YWHAG: variants seen among roughly 807,000 people sequenced by gnomAD.
YWHAG encodes tyrosine 3-monooxygenase/tryptophan 5-monooxygenase activation protein gamma.
Under a neutral mutation model 23.3 loss-of-function variants are expected in YWHAG, and 1 was observed. That is an observed-to-expected ratio of 0.04 (90% CI 0.02 to 0.20). The LOEUF (loss-of-function observed/expected upper bound fraction) is 0.20, where lower values mean the gene tolerates loss of function less well. YWHAG is among the 10% of genes least tolerant of loss of function. The pLI is 1.00. For synonymous variants in YWHAG, 160 were observed against 144.0 expected, an observed-to-expected ratio of 1.11 and a Z score of -0.80; for missense variants, 151 against 338.6, an observed-to-expected ratio of 0.45 and a Z score of 4.35.
At chr7:76,342,692 A>G (rs1402864032) in intron 1 of YWHAG, among the ~76,000 whole-genome samples, 2 of 152,156 alleles carry the variant, frequency 1.3e-5, no homozygotes, top group African/African-American at 4.8e-5. Flanking sequence ...CCTGCTATTT[A>G]GTATATCAGG....
intron 1 of YWHAG, among the ~76,000 whole-genome samples, chr7:76,353,825 T>C (rs1803908731): frequency 6.6e-6 from 1 of 151,988 alleles, no homozygotes; most frequent in African/African-American, 2.4e-5. Flanking sequence ...TCCCAGTACT[T>C]TGGGAGGCCA....
At chr7:76,334,096 A>C (rs1803583200) in intron 1 of YWHAG, among the ~76,000 whole-genome samples, 1 of 152,246 alleles carries the variant, frequency 6.6e-6, no homozygotes, top group Non-Finnish European at 1.5e-5. Context: ...CTGCCAGTGA[A>C]AAACTAAGTT....
At chr7:76,343,775 G>A (rs1009976483) in intron 1 of YWHAG, among the ~76,000 whole-genome samples, 4 of 152,154 alleles carry the variant, frequency 2.6e-5, no homozygotes, top group Admixed American at 6.5e-5. Context: ...GCTGGGACTC[G>A]CTGCTGGGAC....
chr7:76,346,377 C>T (rs1803779833), intron 1 of YWHAG, among the ~76,000 whole-genome samples: 1 of 152,208 alleles, frequency 6.6e-6, no homozygotes, highest in Non-Finnish European at 1.5e-5. Context: ...TACAAAGCGG[C>T]TCCCTCTTGA....
intron 1 of YWHAG, among the ~76,000 whole-genome samples, chr7:76,331,025 A>G (rs1233840768): frequency 6.6e-6 from 1 of 152,248 alleles, no homozygotes; most frequent in Non-Finnish European, 1.5e-5. Context: ...CTGCTTATTA[A>G]TATCAGCCAA....
intron 1 of YWHAG, among the ~76,000 whole-genome samples, chr7:76,349,829 A>G (rs1803847878): frequency 6.6e-6 from 1 of 152,110 alleles, no homozygotes; most frequent in East Asian, 1.9e-4. Context: ...CCTGGTCTCT[A>G]TTAAAAATGC....
Position 76,329,516 on chromosome 7 carries a change from T to TG in YWHAG, c.*60dup. On this transcript the variant is annotated 3_prime_UTR_variant, in exon 2 of 2. Coordinates refer to ENST00000307630, the MANE Select transcript of YWHAG (RefSeq NM_012479.4). The surrounding 1 kb of genome is among the most constrained non-coding windows in gnomAD (Gnocchi z 6.1). ...CCTCCCCCACCCGACCCCCAACTCATGGGAAAAAAATAAAGACTGCAGTAG... is the reference window on the plus strand; with the variant it reads ...CCTCCCCCACCCGACCCCCAACTCATGGGGAAAAAAATAAAGACTGCAGTAG... The TG allele has an allele frequency of 1.6e-6, 1 of 640,234 alleles. No individual in the cohort carries two copies. The highest frequency in any genetic ancestry group is 2.5e-6 in the Non-Finnish European group (1 of 406,562). The allele number at this position is 640,234 out of a possible 1,614,324, so 39.7% of individuals were successfully genotyped here. A position where few individuals can be genotyped will look rare whatever the true frequency, so the allele number is the denominator to read the frequency against.
intron 1 of YWHAG, among the ~76,000 whole-genome samples, chr7:76,353,831 G>A (rs916984045): frequency 3.3e-5 from 5 of 151,998 alleles, no homozygotes; most frequent in Non-Finnish European, 7.4e-5. Flanking sequence ...TACTTTGGGA[G>A]GCCAAGATGG....
chr7:76,341,594 G>T (rs111614062), intron 1 of YWHAG, among the ~76,000 whole-genome samples: 4 of 152,098 alleles, frequency 2.6e-5, no homozygotes, highest in Middle Eastern at 3.4e-3. Context: ...ATGCTACACC[G>T]ATGATCTCGA....
Position 76,358,830 on chromosome 7 carries a change from C to A in YWHAG, c.-22G>T. 4 of 1,582,270 alleles carry A rather than the reference C, an allele frequency of 2.5e-6. No individual in the cohort carries two copies. The highest frequency in any genetic ancestry group is 3.4e-6 in the Non-Finnish European group (4 of 1,165,310). On this transcript the variant is annotated 5_prime_UTR_variant, in exon 1 of 2. Transcript: ENST00000307630. ...CCATCTTCGCGGGGCTGGGTCTGGCCGGAGAAGGAGGAGGACACTGGGGCG... is the reference window on the plus strand; with the variant it reads ...CCATCTTCGCGGGGCTGGGTCTGGCAGGAGAAGGAGGAGGACACTGGGGCG...
intron 1 of YWHAG, among the ~76,000 whole-genome samples, chr7:76,353,254 C>G (rs370120206): frequency 3.3e-5 from 5 of 151,790 alleles, no homozygotes; most frequent in African/African-American, 1.2e-4. Flanking sequence ...GCTCTGTCAC[C>G]CAGGCTGGAG....
intron 1 of YWHAG, among the ~76,000 whole-genome samples, 183 bp from the exon 2 acceptor site, chr7:76,330,416 G>C (rs1241158245): frequency 1.3e-5 from 2 of 152,130 alleles, no homozygotes; most frequent in African/African-American, 2.4e-5. Context: ...AAGTGCGGCT[G>C]GATCAATGGA....
intron 1 of YWHAG, among the ~76,000 whole-genome samples, chr7:76,334,403 A>C (rs1226936421): frequency 1.3e-5 from 2 of 152,140 alleles, no homozygotes; most frequent in African/African-American, 2.4e-5. Context: ...GGGAGGTAAC[A>C]TTTTTCAAAA....
Position 76,335,841 on chromosome 7 carries a change from T to C in YWHAG, c.88-5608A>G, listed in dbSNP as rs542908381. 1.6e-3 allele frequency among the ~76,000 whole-genome samples: 247 copies of C among 152,256 alleles called. 2 individuals are homozygous for C. The highest frequency in any genetic ancestry group is 5.8e-3 in the African/African-American group (239 of 41,534). On this transcript the variant is annotated intron_variant, in intron 1 of 1. Coordinates refer to ENST00000307630, the MANE Select transcript of YWHAG (RefSeq NM_012479.4). The stretch of plus-strand genomic sequence containing the variant: ...TGTGCATGCCTGTAATCCCAGCTAC[T>C]CAGGAGGCTGAGGCAGGGGAATCAC...
chr7:76,341,984 G>A (rs1370915992), intron 1 of YWHAG, among the ~76,000 whole-genome samples: 3 of 152,172 alleles, frequency 2.0e-5, no homozygotes, highest in Admixed American at 1.3e-4. Flanking sequence ...CAGCTCACTT[G>A]TTTGAAATAT....
chr7:76,351,407 G>GA (rs998350259), intron 1 of YWHAG, among the ~76,000 whole-genome samples: 3 of 152,080 alleles, frequency 2.0e-5, no homozygotes, highest in African/African-American at 7.2e-5. Flanking sequence ...AACCTAGTAG[G>GA]AAAAATAACT....
At position 76,328,349 on chromosome 7, in the gene YWHAG, G is replaced by GT. The variant is rs755108209; in HGVS notation, c.*1227dup. 3 of 152,188 alleles carry GT rather than the reference G, an allele frequency of 2.0e-5. No individual in the cohort carries two copies. Among genetic ancestry groups the GT allele is most frequent in the East Asian group, 1.9e-4 (1 of 5,200 alleles). The allele number at this position is 152,188 out of a possible 1,614,324, so 9.4% of individuals were successfully genotyped here. Reference sequence around the variant, plus strand: ...GTTCAGTGTTTGTTATCTGGTAACAGTTTTTTTATCTTCCTACAATTACTT... The same window carrying GT: ...GTTCAGTGTTTGTTATCTGGTAACAGTTTTTTTTATCTTCCTACAATTACTT... On this transcript the variant is annotated 3_prime_UTR_variant, in exon 2 of 2. Coordinates refer to ENST00000307630, the MANE Select transcript of YWHAG (RefSeq NM_012479.4).
At chr7:76,334,897 C>T (rs556240200) in intron 1 of YWHAG, among the ~76,000 whole-genome samples, 1 of 152,014 alleles carries the variant, frequency 6.6e-6, no homozygotes, top group Non-Finnish European at 1.5e-5. Context: ...ATTGTTTCTA[C>T]GAATGCAACA....
intron 1 of YWHAG, among the ~76,000 whole-genome samples, chr7:76,352,038 G>A (rs1363276930): frequency 6.6e-6 from 1 of 152,126 alleles, no homozygotes; most frequent in Non-Finnish European, 1.5e-5. Context: ...TATCCGCATG[G>A]CTACTCACTA....
Sources: gnomAD v4.1 joint callset for allele counts (sites outside exome capture counted in the v4.1 genomes callset) on GRCh38, gnomAD v4.1.1 for gene constraint, Gnocchi (gnomAD v3.1) non-coding constraint, MANE v1.5 for transcripts, NCBI Gene and HGNC (gene_info 2026-07-23, HGNC 2026-07-21) for gene names.